Variants in SLIT3 observed in about 807,000 individuals in gnomAD.
SLIT3 encodes the protein slit guidance ligand 3.
SLIT3 carries 68 observed loss-of-function variants against 184.0 expected under a neutral mutation model. The ratio of observed to expected loss-of-function variants is 0.37; its 90% CI spans 0.30 to 0.45. The LOEUF is 0.45. SLIT3 is among the 20% of genes least tolerant of loss of function. The pLI, the probability that SLIT3 is intolerant of heterozygous loss-of-function variation, is 1.00. For missense variants in SLIT3, 1,707 were observed against 2,026.0 expected (o/e 0.84, Z 3.02); for synonymous variants, 831 against 828.6 (o/e 1.00, Z -0.05).
intron 3 of SLIT3, among the ~76,000 whole-genome samples, chr5:169,234,055 CT>C (rs1488241871): frequency 1.3e-5 from 2 of 152,170 alleles, no homozygotes; most frequent in Non-Finnish European, 2.9e-5. Context: ...TCTTCAGTAT[CT>C]GAGAAGAGGA....
At chr5:168,735,349 T>TC (rs1270217307) in intron 20 of SLIT3, among the ~76,000 whole-genome samples, 6 of 152,234 alleles carry the variant, frequency 3.9e-5, no homozygotes, top group Non-Finnish European at 8.8e-5. Context: ...GGAAGCCACC[T>TC]TCCCAGAGAC....
At chr5:169,246,690 G>A (rs1765603341) in intron 2 of SLIT3, among the ~76,000 whole-genome samples, 1 of 152,096 alleles carries the variant, frequency 6.6e-6, no homozygotes, top group Admixed American at 6.5e-5. Flanking sequence ...GGAGGCTGAG[G>A]CAGGTGGACC....
In SLIT3 at chr5:168,666,129, T is replaced by G. The variant is rs1299555382; in HGVS notation, c.*325A>C. On this transcript the variant is annotated 3_prime_UTR_variant, in exon 36 of 36. Coordinates refer to ENST00000519560, the MANE Select transcript of SLIT3 (RefSeq NM_003062.4). Reference sequence around the variant, plus strand: ...TTTTGTTTTAAAGCATTTTTATTAGTCTATTTTTTTCTTAAATTTTTAAAC... The same window carrying G: ...TTTTGTTTTAAAGCATTTTTATTAGGCTATTTTTTTCTTAAATTTTTAAAC... The G allele has an allele frequency of 5.2e-6, 1 of 191,662 alleles. No homozygotes were observed. The highest frequency in any genetic ancestry group is 2.3e-5 in the African/African-American group (1 of 43,020). 11.9% of individuals were successfully genotyped at this position (191,662 alleles called of 1,614,324 possible). A position where few individuals can be genotyped will look rare whatever the true frequency, so the allele number is the denominator to read the frequency against.
At chr5:169,055,534 G>A (rs574099516) in intron 4 of SLIT3, among the ~76,000 whole-genome samples, 1 of 152,158 alleles carries the variant, frequency 6.6e-6, no homozygotes, top group Non-Finnish European at 1.5e-5. Context: ...AGAGAGTTGG[G>A]CAAAGGTATG....
intron 4 of SLIT3, among the ~76,000 whole-genome samples, chr5:168,960,539 G>T (rs1004192393): frequency 3.3e-5 from 5 of 152,172 alleles, no homozygotes; most frequent in Non-Finnish European, 4.4e-5. Context: ...GCAGAGCTGG[G>T]ATTCAAACTC....
intron 4 of SLIT3, among the ~76,000 whole-genome samples, chr5:168,898,641 G>A (rs1027973488): frequency 2.6e-5 from 4 of 152,176 alleles, no homozygotes; most frequent in African/African-American, 4.8e-5. Context: ...CATAATTGAC[G>A]TTCTGAACTG....
intron 23 of SLIT3, chr5:168,720,891 T>C (rs1349582854): frequency 2.0e-5 from 3 of 152,118 alleles, no homozygotes; most frequent in Non-Finnish European, 4.4e-5. Context: ...ATGGACTAGC[T>C]TGTTGGGTGC....
intron 4 of SLIT3, among the ~76,000 whole-genome samples, chr5:169,164,317 C>T (rs1225636887): frequency 1.3e-5 from 2 of 152,162 alleles, no homozygotes; most frequent in African/African-American, 4.8e-5. Flanking sequence ...CTTTCCTTCC[C>T]AAGGTCCCAT....
chr5:168,817,697 A>G (rs547949002), intron 7 of SLIT3, among the ~76,000 whole-genome samples: 2 of 152,326 alleles, frequency 1.3e-5, no homozygotes, highest in East Asian at 1.9e-4. Context: ...TCATTTTTTA[A>G]TAGCAAGTCC....
chr5:169,136,104 T>A (rs1761492543), intron 4 of SLIT3, among the ~76,000 whole-genome samples: 1 of 152,172 alleles, frequency 6.6e-6, no homozygotes, highest in Non-Finnish European at 1.5e-5. Flanking sequence ...TTCTCTCTTT[T>A]CCTACCAAAT....
intron 6 of SLIT3, among the ~76,000 whole-genome samples, chr5:168,828,040 A>C (rs1000024201): frequency 6.6e-6 from 1 of 152,188 alleles, no homozygotes; most frequent in African/African-American, 2.4e-5. Flanking sequence ...TCAGTGATTA[A>C]ATGTGATATG....
rs751070573 is a variant in SLIT3 at position 168,907,251 on chromosome 5, G to A, written c.414-23915C>T. Among the ~76,000 whole-genome samples, 6 of 152,148 alleles carry A rather than the reference G, an allele frequency of 3.9e-5. No homozygotes were observed. The South Asian group carries it at 8.3e-4, about 21-fold the overall frequency. ...TTTCTGCCCTACCTAGCCCTGTGTCGGTGCAGAGCCACAGCTTTGGGTCAG... is the reference window on the plus strand; with the variant it reads ...TTTCTGCCCTACCTAGCCCTGTGTCAGTGCAGAGCCACAGCTTTGGGTCAG... On this transcript the variant is annotated intron_variant, in intron 4 of 35. Transcript: ENST00000519560.
At chr5:169,261,993 T>G (rs1766205403) in intron 1 of SLIT3, among the ~76,000 whole-genome samples, 1 of 152,036 alleles carries the variant, frequency 6.6e-6, no homozygotes, top group South Asian at 2.1e-4. Context: ...ACCTGAAGCC[T>G]TCTAATAGAC....
intron 4 of SLIT3, among the ~76,000 whole-genome samples, chr5:169,045,991 G>A (rs562500906): frequency 6.6e-6 from 1 of 152,232 alleles, no homozygotes; most frequent in South Asian, 2.1e-4. Flanking sequence ...CACTCACTAC[G>A]GACATATTGA....
intron 9 of SLIT3, among the ~76,000 whole-genome samples, chr5:168,803,918 G>A (rs1371103550): frequency 6.6e-6 from 1 of 151,922 alleles, no homozygotes; most frequent in Non-Finnish European, 1.5e-5. Context: ...TTAACTGGGT[G>A]GAGAAAGAGG....
intron 1 of SLIT3, among the ~76,000 whole-genome samples, chr5:169,281,053 T>A (rs1394994217): frequency 6.6e-6 from 1 of 152,094 alleles, no homozygotes; most frequent in Non-Finnish European, 1.5e-5. Flanking sequence ...GGGACTGCAG[T>A]GAAATGGAGA....
At chr5:169,261,138 G>A (rs1342646944) in intron 1 of SLIT3, among the ~76,000 whole-genome samples, 1 of 152,220 alleles carries the variant, frequency 6.6e-6, no homozygotes, top group Non-Finnish European at 1.5e-5. Context: ...TATGCCAGAG[G>A]CATAAACAAA....
At chr5:168,840,742 GC>G (rs1475186401) in intron 6 of SLIT3, among the ~76,000 whole-genome samples, 1 of 152,216 alleles carries the variant, frequency 6.6e-6, no homozygotes, top group Non-Finnish European at 1.5e-5. Flanking sequence ...GACTCACAGA[GC>G]CTCGGTCCCT....
chr5:168,925,430 C>T (rs930567267), intron 4 of SLIT3, among the ~76,000 whole-genome samples: 18 of 152,158 alleles, frequency 1.2e-4, no homozygotes, highest in African/African-American at 4.1e-4. Context: ...AGAGCGACAC[C>T]ATGACTTGCA....
Sources: allele counts gnomAD v4.1 joint callset (sites outside exome capture counted in the v4.1 genomes callset), GRCh38; gene constraint gnomAD v4.1.1; transcripts MANE v1.5; gene names NCBI Gene and HGNC (gene_info 2026-07-23, HGNC 2026-07-21).